The following FBLN2 variants were observed in gnomAD, a reference collection of about 807,000 sequenced individuals.
FBLN2 encodes fibulin 2, also known as fibulin-2.
Under a neutral mutation model 123.7 loss-of-function variants are expected in FBLN2, and 81 were observed. The ratio of observed to expected loss-of-function variants is 0.65; its 90% CI spans 0.55 to 0.79. FBLN2 has a LOEUF of 0.79. Among genes scored for constraint, FBLN2 ranks in the 30% least tolerant of loss-of-function variants. The pLI, the probability that FBLN2 is intolerant of heterozygous loss-of-function variation, is 0.00. For synonymous variants in FBLN2, 699 were observed against 701.4 expected (o/e 1.00, Z 0.05); for missense variants, 1,603 against 1,681.3 (o/e 0.95, Z 0.81).
At chr3:13,608,199 G>A (rs369639258) in intron 3 of FBLN2, 26 bp downstream of exon 3, 42 of 1,523,064 alleles carry the variant, frequency 2.8e-5, no homozygotes, top group African/African-American at 1.1e-4. Context: ...TGGAGCAGGC[G>A]GAGCTGCCCA....
chr3:13,631,199 T>G (rs779824997), intron 15 of FBLN2, 130 bp from the exon 16 acceptor site: 2 of 1,180,616 alleles, frequency 1.7e-6, no homozygotes, highest in Non-Finnish European at 1.2e-6. Context: ...TTCTACTCTC[T>G]CAGTCCACTT....
At chr3:13,588,357 C>A (rs886642841) in intron 2 of FBLN2, among the ~76,000 whole-genome samples, 2 of 152,106 alleles carry the variant, frequency 1.3e-5, no homozygotes, top group Admixed American at 6.5e-5. Flanking sequence ...CACCACCTAA[C>A]CACGCATTTC....
At chr3:13,613,958 G>A (rs370070973) in intron 4 of FBLN2, 26 bp from the exon 5 acceptor site, 1 of 1,603,002 alleles carries the variant, frequency 6.2e-7, no homozygotes, top group African/African-American at 1.3e-5. Context: ...CAGAGATTGG[G>A]CAGTGATAAC....
intron 2 of FBLN2, among the ~76,000 whole-genome samples, chr3:13,605,140 C>A (rs1356896160): frequency 1.3e-5 from 2 of 152,172 alleles, no homozygotes; most frequent in African/African-American, 4.8e-5. Context: ...TTGCCCTCAG[C>A]ACGAATGTCT....
chr3:13,603,163 A>T (rs1424707507), intron 2 of FBLN2, among the ~76,000 whole-genome samples: 2 of 151,410 alleles, frequency 1.3e-5, no homozygotes, highest in African/African-American at 4.9e-5. Flanking sequence ...CGCATTCCTC[A>T]GCCTCTCAAA....
At chr3:13,611,362 C>T (rs1705386218) in intron 4 of FBLN2, among the ~76,000 whole-genome samples, 1 of 152,190 alleles carries the variant, frequency 6.6e-6, no homozygotes, top group South Asian at 2.1e-4. Context: ...CAGCCGTCAC[C>T]ACCAAGCACC....
In FBLN2 at chr3:13,618,530, A is replaced by T. The variant is rs114125880; in HGVS notation, c.1939+245A>T. Reference sequence around the variant, plus strand: ...CCTTGTCCCATATTCGAGCGCAGGGACAGGCTCAGGCCACAGAGGCTCTCA... The same window carrying T: ...CCTTGTCCCATATTCGAGCGCAGGGTCAGGCTCAGGCCACAGAGGCTCTCA... On this transcript the variant is annotated intron_variant, in intron 6 of 17. Transcript: ENST00000404922. 3.0e-3 allele frequency among the ~76,000 whole-genome samples: 463 copies of T among 152,324 alleles called. 4 individuals are homozygous for T. The highest frequency in any genetic ancestry group is 0.01 in the African/African-American group (431 of 41,578).
chr3:13,629,429 A>G, intron 13 of FBLN2, 137 bp downstream of exon 13: 1 of 1,232,442 alleles, frequency 8.1e-7, no homozygotes. Flanking sequence ...GTCGCCTTCC[A>G]GCTGGCCTCA....
At position 13,624,548 on chromosome 3, in the gene FBLN2, G is replaced by A. The variant is rs1705959705; in HGVS notation, c.2297-1897G>A. ...CCCGGGTCTGCCTGGCCTGGACACTGTTTGGTTCACCTGTGAGTTTGGGAG... is the reference window on the plus strand; with the variant it reads ...CCCGGGTCTGCCTGGCCTGGACACTATTTGGTTCACCTGTGAGTTTGGGAG... On this transcript the variant is annotated intron_variant, in intron 9 of 17. Coordinates refer to ENST00000404922, the MANE Select transcript of FBLN2 (RefSeq NM_001004019.2). 1.3e-5 allele frequency among the ~76,000 whole-genome samples: 2 copies of A among 152,308 alleles called. 1 individual carries two copies. Among genetic ancestry groups the A allele is most frequent in the South Asian group, 4.1e-4 (2 of 4,822 alleles).
chr3:13,625,875 C>G (rs1706018864), intron 9 of FBLN2, among the ~76,000 whole-genome samples: 1 of 151,696 alleles, frequency 6.6e-6, no homozygotes, highest in South Asian at 2.1e-4. Flanking sequence ...CTTCCCTCCC[C>G]TGCAGCACAC....
At chr3:13,619,661 TG>T in intron 7 of FBLN2, 68 bp from the exon 8 acceptor site, 1 of 1,311,848 alleles carries the variant, frequency 7.6e-7, no homozygotes, top group Non-Finnish European at 1.1e-6. Context: ...GAGCCAGGGA[TG>T]GGGAATGAGC....
At chr3:13,609,792 T>A in intron 4 of FBLN2, 150 bp downstream of exon 4, 2 of 846,522 alleles carry the variant, frequency 2.4e-6, no homozygotes, top group Non-Finnish European at 3.7e-6. Flanking sequence ...GAAGGACTCT[T>A]AATCTGCGCA....
chr3:13,583,442 C>T (rs1704401740), intron 2 of FBLN2, among the ~76,000 whole-genome samples: 1 of 152,254 alleles, frequency 6.6e-6, no homozygotes, highest in Non-Finnish European at 1.5e-5. Context: ...CGGGCACTTC[C>T]ACCTCCTGCC....
chr3:13,549,146 G>A lies in FBLN2; in HGVS notation c.-104G>A, dbSNP rs1703254220. On this transcript the variant is annotated 5_prime_UTR_variant, in exon 1 of 18. Transcript: ENST00000404922. ...GCGCGCACACAGCCAGGGGCCGCCCGGGCTCTCGACGCGCCGACGGCCGGG... is the reference window on the plus strand; with the variant it reads ...GCGCGCACACAGCCAGGGGCCGCCCAGGCTCTCGACGCGCCGACGGCCGGG... 1 of 982,752 alleles carries A rather than the reference G, an allele frequency of 1.0e-6. No individual in the cohort carries two copies. Among genetic ancestry groups the A allele is most frequent in the East Asian group, 1.1e-4 (1 of 8,706 alleles). The allele number at this position is 982,752 out of a possible 1,614,324, so 60.9% of individuals were successfully genotyped here.
chr3:13,558,782 C>T (rs1399674892), intron 1 of FBLN2, among the ~76,000 whole-genome samples: 26 of 7,156 alleles, frequency 3.6e-3, no homozygotes, highest in African/African-American at 8.5e-3. Context: ...TCCATCCACC[C>T]ATCCACCCAC....
chr3:13,604,376 T>C (rs960544065), intron 2 of FBLN2, among the ~76,000 whole-genome samples: 1 of 152,148 alleles, frequency 6.6e-6, no homozygotes, highest in Non-Finnish European at 1.5e-5. Flanking sequence ...GGTCTAACAT[T>C]TAAGTCTTTA....
At position 13,626,570 on chromosome 3, in the gene FBLN2, G is replaced by C. The variant is rs1414970682; in HGVS notation, c.2422G>C (p.Glu808Gln). Residue 808 changes from glutamate to glutamine, a missense_variant, in exon 10 of 18, where the codon GAG becomes CAG. By Grantham distance (29) the Glu-to-Gln change is conservative (BLOSUM62 2). Transcript: ENST00000404922. The stretch of plus-strand genomic sequence containing the variant: ...GCCAGGCTATGCCCTCAAGGATGGC[G>C]AGTGCGAAGGTGAGAAGGGCCCAGA... ...CEPGYALKDGECEDVDECAMG... is the reference protein window; with the variant it reads ...CEPGYALKDGQCEDVDECAMG... 1.9e-6 allele frequency: 3 copies of C among 1,546,966 alleles called. No homozygotes were observed. In the South Asian group the frequency reaches 3.6e-5, roughly 18 times the overall value.
At chr3:13,555,477 T>C (rs1164391925) in intron 1 of FBLN2, among the ~76,000 whole-genome samples, 1 of 151,970 alleles carries the variant, frequency 6.6e-6, no homozygotes, top group African/African-American at 2.4e-5. Flanking sequence ...TTTTTTGAGA[T>C]GGAGTCTCGC....
At chr3:13,617,541 CCTT>C (rs1490267585) in intron 5 of FBLN2, among the ~76,000 whole-genome samples, 1 of 146,268 alleles carries the variant, frequency 6.8e-6, no homozygotes, top group East Asian at 2.2e-4. Context: ...CATCCATCCT[CCTT>C]CATTCATCCA....
Sources: gnomAD v4.1 joint callset for allele counts (sites outside exome capture counted in the v4.1 genomes callset) on GRCh38, gnomAD v4.1.1 for gene constraint, MANE v1.5 for transcripts, NCBI Gene and HGNC (gene_info 2026-07-23, HGNC 2026-07-21) for gene names.